SPINK9: variants seen among roughly 807,000 people sequenced by gnomAD.
The protein encoded by SPINK9 is serine protease inhibitor Kazal-type 9.
A neutral mutation model predicts 10.8 loss-of-function variants in SPINK9; 3 were observed. The observed-to-expected ratio is 0.28, with a 90% CI of 0.13 to 0.72. The LOEUF (loss-of-function observed/expected upper bound fraction) is 0.72. Among genes scored for constraint, SPINK9 ranks in the 30% least tolerant of loss-of-function variants. The pLI is 0.74. For synonymous variants in SPINK9, 30 were observed against 31.2 expected, an observed-to-expected ratio of 0.96 and a Z score of 0.12; for missense variants, 101 against 103.2, an observed-to-expected ratio of 0.98 and a Z score of 0.09.
intron 2 of SPINK9, among the ~76,000 whole-genome samples, chr5:148,326,924 T>C (rs550322914): frequency 2.6e-5 from 4 of 152,176 alleles, no homozygotes; most frequent in East Asian, 1.9e-4. Context: ...TGTTGGACAT[T>C]TGGGTTGGTT....
intron 3 of SPINK9, among the ~76,000 whole-genome samples, chr5:148,338,819 TC>T (rs1757251755): frequency 6.6e-6 from 1 of 152,070 alleles, no homozygotes; most frequent in Non-Finnish European, 1.5e-5. Context: ...TTCTAAAATC[TC>T]CAAGTTGAAA....
upstream of SPINK9, among the ~76,000 whole-genome samples, chr5:148,334,668 G>A (rs1163346787): frequency 4.0e-5 from 6 of 151,764 alleles, no homozygotes; most frequent in South Asian, 6.2e-4. Context: ...CTGAGATCAC[G>A]CCACTGCACT....
chr5:148,335,624 C>A lies in SPINK9; in HGVS notation c.11C>A (p.Thr4Lys). 1 of 1,613,634 alleles carries A rather than the reference C, an allele frequency of 6.2e-7. No homozygotes were observed. Among genetic ancestry groups the A allele is most frequent in the Non-Finnish European group, 8.5e-7 (1 of 1,179,820 alleles). Residue 4 changes from threonine to lysine, a missense_variant, in exon 1 of 4, where the codon ACA becomes AAA. Transcript: ENST00000377906. ...GGCCACTTCAGTACTATGAGAGCAA[C>A]AGCCATAGTCCTACTCTTGGCTCTG... MRA[T>K]AIVLLLALTL...
chr5:148,335,148 C>T (rs1757200039), upstream of SPINK9, among the ~76,000 whole-genome samples: 1 of 152,216 alleles, frequency 6.6e-6, no homozygotes, highest in African/African-American at 2.4e-5. Context: ...CTCATAGTCA[C>T]TCTATCTGAA....
At chr5:148,326,432 T>A (rs1200349921) in intron 2 of SPINK9, among the ~76,000 whole-genome samples, 1 of 152,172 alleles carries the variant, frequency 6.6e-6, no homozygotes, top group East Asian at 1.9e-4. Context: ...CAACGAGATG[T>A]CTGCATTTCC....
intron 2 of SPINK9, among the ~76,000 whole-genome samples, chr5:148,329,012 C>T (rs1468694547): frequency 6.6e-6 from 1 of 152,140 alleles, no homozygotes; most frequent in Non-Finnish European, 1.5e-5. Context: ...ATGATGCTGG[C>T]CTCATAAAAA....
chr5:148,332,480 G>A (rs1757163593), upstream of SPINK9, among the ~76,000 whole-genome samples: 2 of 152,212 alleles, frequency 1.3e-5, no homozygotes, highest in South Asian at 2.1e-4. Context: ...GTTTTTCTAG[G>A]ATCTGTGCTA....
At chr5:148,328,036 TG>T (rs1185099036) in intron 2 of SPINK9, among the ~76,000 whole-genome samples, 1 of 151,976 alleles carries the variant, frequency 6.6e-6, no homozygotes, top group African/African-American at 2.4e-5. Flanking sequence ...TTTCCAATTC[TG>T]TGAAGAAAGT....
At chr5:148,336,399 C>T (rs1757217495) in intron 1 of SPINK9, 23 bp from the exon 2 acceptor site, 4 of 1,612,696 alleles carry the variant, frequency 2.5e-6, no homozygotes, top group Admixed American at 3.3e-5. Context: ...TTTAATATTG[C>T]CTTGTCTTTG....
At chr5:148,334,488 A>G (rs1315155535), upstream of SPINK9, among the ~76,000 whole-genome samples, 1 of 152,164 alleles carries the variant, frequency 6.6e-6, no homozygotes, top group Non-Finnish European at 1.5e-5. Context: ...AGGCAGGCAG[A>G]TCACTTGAGG....
At chr5:148,334,972 T>G (rs191046701), upstream of SPINK9, among the ~76,000 whole-genome samples, 173 of 152,322 alleles carry the variant, frequency 1.1e-3, 5 homozygotes, top group Admixed American at 9.7e-3. Flanking sequence ...AGAGATAGTA[T>G]GATGATCTTG....
At chr5:148,324,083 G>T (rs1410065035) in intron 2 of SPINK9, among the ~76,000 whole-genome samples, 2 of 151,966 alleles carry the variant, frequency 1.3e-5, no homozygotes, top group African/African-American at 4.8e-5. Flanking sequence ...ATTTACTAAG[G>T]CCTAAAAACA....
intron 1 of SPINK9, among the ~76,000 whole-genome samples, chr5:148,322,888 A>G (rs1056283005): frequency 1.3e-5 from 2 of 152,164 alleles, no homozygotes; most frequent in African/African-American, 4.8e-5. Flanking sequence ...TCCAGCATTT[A>G]TCAAAACTCA....
At chr5:148,335,759 C>T in intron 1 of SPINK9, 91 bp downstream of exon 1, 2 of 1,418,434 alleles carry the variant, frequency 1.4e-6, no homozygotes, top group Non-Finnish European at 2.0e-6. Flanking sequence ...TGTAATTCAT[C>T]ACATAAATAA....
chr5:148,324,031 CT>C (rs1386740136), intron 2 of SPINK9, among the ~76,000 whole-genome samples: 1 of 152,094 alleles, frequency 6.6e-6, no homozygotes, highest in African/African-American at 2.4e-5. Flanking sequence ...CTACAAAAAT[CT>C]AAAGAAACAA....
rs1371959152 is a variant in SPINK9, at chr5:148,323,894, A to G, written c.118+26A>G. On this transcript the variant is annotated intron_variant, in intron 2 of 4. Coordinates refer to the SPINK9 transcript ENST00000511717. ...GTATGTAGCCCGCGAAAGTAATTTAATGTGTATCTAAAGTATTTCTTTCCT... is the reference window on the plus strand; with the variant it reads ...GTATGTAGCCCGCGAAAGTAATTTAGTGTGTATCTAAAGTATTTCTTTCCT... 5.8e-6 allele frequency: 4 copies of G among 688,382 alleles called. No homozygotes were observed. The Admixed American group carries it at 6.4e-5, about 11-fold the overall frequency. 42.6% of individuals were successfully genotyped at this position (688,382 alleles called of 1,614,324 possible). A position where few individuals can be genotyped will look rare whatever the true frequency, so the allele number is the denominator to read the frequency against.
chr5:148,327,119 C>T (rs1257737516), intron 2 of SPINK9, among the ~76,000 whole-genome samples: 2 of 152,192 alleles, frequency 1.3e-5, no homozygotes, highest in African/African-American at 4.8e-5. Context: ...AACTAGTTAA[C>T]AGTCCCACCA....
In SPINK9 at chr5:148,338,567, A is replaced by G. The variant is rs1757248265; in HGVS notation, c.177A>G (p.Lys59=). 9.4e-6 allele frequency: 15 copies of G among 1,600,372 alleles called. No individual in the cohort carries two copies. Among genetic ancestry groups the G allele is most frequent in the Non-Finnish European group, 1.3e-5 (15 of 1,169,360 alleles). Residue 59 remains lysine (K), a synonymous_variant, in exon 3 of 4, where the codon AAA becomes AAG. Coordinates refer to ENST00000377906, the MANE Select transcript of SPINK9 (RefSeq NM_001040433.2). Reference sequence around the variant, plus strand: ...ATCCAATTTGTGGATCTGATGGCAAAACTTATAAAAATGATTGCTTCTTCT... The same window carrying G: ...ATCCAATTTGTGGATCTGATGGCAAGACTTATAAAAATGATTGCTTCTTCT... ...MYDPICGSDG[K]TYKNDCFFCS...
intron 2 of SPINK9, among the ~76,000 whole-genome samples, chr5:148,337,196 T>C (rs923004350): frequency 6.6e-6 from 1 of 152,154 alleles, no homozygotes; most frequent in Non-Finnish European, 1.5e-5. Flanking sequence ...CATCACATTG[T>C]TGAGTATCAC....
Sources: allele counts gnomAD v4.1 joint callset (sites outside exome capture counted in the v4.1 genomes callset), GRCh38; gene constraint gnomAD v4.1.1; transcripts MANE v1.5; gene names NCBI Gene and HGNC (gene_info 2026-07-23, HGNC 2026-07-21).